The following NCOA7 variants were observed in gnomAD, a reference collection of about 807,000 sequenced individuals.
NCOA7 encodes nuclear receptor coactivator 7.
In NCOA7, 45 loss-of-function variants were observed where a neutral mutation model predicts 104.3. The ratio of observed to expected loss-of-function variants is 0.43; its 90% CI spans 0.34 to 0.55. The LOEUF (loss-of-function observed/expected upper bound fraction) is 0.55. Ranked by LOEUF, NCOA7 falls within the 20% of genes least tolerant of loss-of-function variation. The pLI, the probability that NCOA7 is intolerant of heterozygous loss-of-function variation, is 0.02. For missense variants in NCOA7, 1,041 were observed against 1,119.7 expected, an observed-to-expected ratio of 0.93 and a Z score of 1.00; for synonymous variants, 398 against 402.3, an observed-to-expected ratio of 0.99 and a Z score of 0.13.
At chr6:125,809,489 G>C (rs774838366) in intron 1 of NCOA7, among the ~76,000 whole-genome samples, 4 of 152,134 alleles carry the variant, frequency 2.6e-5, no homozygotes, top group Non-Finnish European at 5.9e-5. Flanking sequence ...GGGTACCCTT[G>C]TAAGTTTGTG....
At chr6:125,812,154 T>C (rs1262691441) in intron 1 of NCOA7, among the ~76,000 whole-genome samples, 1 of 152,194 alleles carries the variant, frequency 6.6e-6, no homozygotes, top group Non-Finnish European at 1.5e-5. Context: ...GCATCAAGAT[T>C]AGTTCCCTTT....
At chr6:125,781,936 C>A (rs1774245503) in intron 1 of NCOA7, among the ~76,000 whole-genome samples, 1 of 152,172 alleles carries the variant, frequency 6.6e-6, no homozygotes, top group African/African-American at 2.4e-5. Flanking sequence ...CACACATATA[C>A]CCTTCATCCA....
Position 125,822,431 on chromosome 6 carries a change from A to G in NCOA7, c.50+7027A>G, listed in dbSNP as rs375798515. ...CACAAGCATTCTGTTTATCCTTAAA[A>G]TGATCCTACAAATAAATATAAATGC... On this transcript the variant is annotated intron_variant, in intron 2 of 15. Transcript: ENST00000392477. Among the ~76,000 whole-genome samples, 46 of 152,332 alleles carry G rather than the reference A, an allele frequency of 3.0e-4. No homozygotes were observed. The South Asian group carries it at 9.5e-3, about 32-fold the overall frequency.
chr6:125,920,567 T>G (rs1787480448), intron 11 of NCOA7, among the ~76,000 whole-genome samples: 2 of 152,130 alleles, frequency 1.3e-5, no homozygotes, highest in African/African-American at 4.8e-5. Context: ...CTTTATTTAT[T>G]TATTTATTTT....
At chr6:125,833,071 A>G (rs1779317854) in intron 2 of NCOA7, among the ~76,000 whole-genome samples, 1 of 152,216 alleles carries the variant, frequency 6.6e-6, no homozygotes, top group South Asian at 2.1e-4. Context: ...CATATCTTCA[A>G]AATAAAACTT....
At chr6:125,823,323 A>G (rs1036982311) in intron 2 of NCOA7, among the ~76,000 whole-genome samples, 3 of 152,238 alleles carry the variant, frequency 2.0e-5, no homozygotes, top group Non-Finnish European at 4.4e-5. Flanking sequence ...TTAATGTAGG[A>G]TATAAATGGT....
intron 1 of NCOA7, among the ~76,000 whole-genome samples, chr6:125,813,377 G>A (rs893088729): frequency 5.3e-5 from 8 of 152,046 alleles, no homozygotes; most frequent in African/African-American, 1.9e-4. Flanking sequence ...TGGAACAGAA[G>A]GGAACAATTT....
At chr6:125,788,908 T>C (rs1379059830), upstream of NCOA7, among the ~76,000 whole-genome samples, 6 of 152,100 alleles carry the variant, frequency 3.9e-5, no homozygotes, top group Non-Finnish European at 8.8e-5. Flanking sequence ...TAGGTTTTTG[T>C]CTAATAAAAA....
chr6:125,844,130 T>G (rs1406139708), intron 2 of NCOA7, among the ~76,000 whole-genome samples: 1 of 152,170 alleles, frequency 6.6e-6, no homozygotes, highest in African/African-American at 2.4e-5. Context: ...AAAATTGAAT[T>G]GTTGTGGTTT....
intron 1 of NCOA7, chr6:125,797,758 G>A (rs1349368094): frequency 6.6e-6 from 1 of 152,196 alleles, no homozygotes; most frequent in African/African-American, 2.4e-5. Context: ...GTGGTTGCAG[G>A]TGTTTACAGC....
chr6:125,809,450 TGGG>T (rs1776764753), intron 1 of NCOA7, among the ~76,000 whole-genome samples: 2 of 152,190 alleles, frequency 1.3e-5, no homozygotes, highest in African/African-American at 4.8e-5. Flanking sequence ...CCCAAAGTGC[TGGG>T]AATATAGGCA....
upstream of NCOA7, among the ~76,000 whole-genome samples, chr6:125,786,569 T>C (rs911446630): frequency 2.5e-4 from 36 of 142,320 alleles, no homozygotes; most frequent in Admixed American, 6.1e-4. Flanking sequence ...ACAATAATCA[T>C]TGTCTTTTTT....
At chr6:125,838,002 A>G (rs1779774444) in intron 2 of NCOA7, among the ~76,000 whole-genome samples, 1 of 152,188 alleles carries the variant, frequency 6.6e-6, no homozygotes, top group Non-Finnish European at 1.5e-5. Flanking sequence ...AGTCCCTTTG[A>G]TAACAAAGCC....
intron 3 of NCOA7, among the ~76,000 whole-genome samples, chr6:125,858,248 A>AT (rs1356246469): frequency 6.6e-6 from 1 of 152,150 alleles, no homozygotes; most frequent in East Asian, 1.9e-4. Context: ...ATAAATGAAT[A>AT]TTTTTAATTG....
rs1224991312 is a variant in NCOA7, at chr6:125,882,432, G to A, written c.580G>A (p.Asp194Asn). The A allele has an allele frequency of 6.2e-7, 1 of 1,612,800 alleles. No homozygotes were observed. Among genetic ancestry groups the A allele is most frequent in the Admixed American group, 1.7e-5 (1 of 59,654 alleles). Residue 194 changes from aspartate to asparagine, a missense_variant, in exon 7 of 16, where the codon GAC becomes AAC. By Grantham distance (23) the Asp-to-Asn change is conservative. Around this residue, in one of 2 missense-constraint regions of NCOA7, gnomAD observed 914 missense variants for 942.7 expected, o/e 0.97. Coordinates refer to ENST00000392477, the MANE Select transcript of NCOA7 (RefSeq NM_181782.5). ...AATTTTTTGCTTTCACAAGGATGCT[G>A]ACTTAGCACGAAAGGCCTTGAAACC... is the stretch of plus-strand genomic sequence containing the variant. ...DAEYDKLPDA[D>N]LARKALKPIE...
intron 1 of NCOA7, among the ~76,000 whole-genome samples, chr6:125,792,961 C>T (rs1024413059): frequency 1.3e-5 from 2 of 152,152 alleles, no homozygotes; most frequent in African/African-American, 2.4e-5. Context: ...TTCTTTCTGA[C>T]ATTTTAATGC....
chr6:125,890,002 G>T, intron 9 of NCOA7, 21 bp downstream of exon 9: 1 of 1,479,874 alleles, frequency 6.8e-7, no homozygotes, highest in Non-Finnish European at 8.9e-7. Flanking sequence ...TTTCTTTAAT[G>T]CCTTTATATT....
At chr6:125,902,573 T>C (rs959210872) in intron 10 of NCOA7, among the ~76,000 whole-genome samples, 4 of 152,102 alleles carry the variant, frequency 2.6e-5, no homozygotes, top group Admixed American at 6.6e-5. Context: ...ATAAACTAGA[T>C]TGTAATTTTA....
intron 1 of NCOA7, chr6:125,802,268 CCG>C (rs1230831894): frequency 6.6e-6 from 1 of 152,138 alleles, no homozygotes; most frequent in Non-Finnish European, 1.5e-5. Flanking sequence ...TGTCTCCAAA[CCG>C]CAGTGGGTTA....
Sources: gnomAD v4.1 joint callset for allele counts (sites outside exome capture counted in the v4.1 genomes callset) on GRCh38, gnomAD v4.1.1 for gene constraint, gnomAD v4.1.1 regional missense constraint, MANE v1.5 for transcripts, NCBI Gene and HGNC (gene_info 2026-07-23, HGNC 2026-07-21) for gene names.